Variants in RAI2 observed in about 807,000 individuals in gnomAD.
The protein encoded by RAI2 is retinoic acid induced 2.
RAI2 carries 5 observed loss-of-function variants against 15.3 expected under a neutral mutation model. That is an observed-to-expected ratio of 0.33 (90% CI 0.17 to 0.69). RAI2 has a LOEUF of 0.69. Among genes scored for constraint, RAI2 ranks in the 30% least tolerant of loss-of-function variants. RAI2 has a pLI of 0.69. For synonymous variants in RAI2, 191 were observed against 184.0 expected (o/e 1.04, Z -0.31); for missense variants, 424 against 424.7 (o/e 1.00, Z 0.01).
At chrX:17,852,765 T>C (rs2067551528) in intron 1 of RAI2, among the ~76,000 whole-genome samples, 1 of 112,032 alleles carries the variant, frequency 8.9e-6, no homozygotes, top group African/African-American at 3.2e-5. Context: ...TGAAGGAGAA[T>C]TGCTTCAAGG....
chrX:17,841,901 C>T (rs1218851143), intron 1 of RAI2, among the ~76,000 whole-genome samples: 1 of 112,616 alleles, frequency 8.9e-6, no homozygotes, highest in East Asian at 2.8e-4. Flanking sequence ...CAGAAATCTT[C>T]CTATGGCTCA....
At chrX:17,860,916 C>CCCGGCCCTCCCAG (rs1271243511) in intron 1 of RAI2, among the ~76,000 whole-genome samples, 182 bp downstream of exon 1, 4 of 105,106 alleles carry the variant, frequency 3.8e-5, no homozygotes, top group Non-Finnish European at 6.0e-5. Context: ...CCCGCCCCCG[C>CCCGGCCCTCCCAG]CCGGCCCTCC....
At chrX:17,842,721 G>A (rs2067413735) in intron 1 of RAI2, among the ~76,000 whole-genome samples, 1 of 109,715 alleles carries the variant, frequency 9.1e-6, no homozygotes, top group African/African-American at 3.3e-5. Flanking sequence ...ATCTCTGGGT[G>A]GTAAGAATGC....
Position 17,800,225 on chromosome X carries a change from C to T in RAI2, c.*193G>A. The T allele has an allele frequency of 2.0e-6, 1 of 496,931 alleles. No homozygotes were observed. Among genetic ancestry groups the T allele is most frequent in the East Asian group, 4.1e-5 (1 of 24,649 alleles). 41.0% of individuals were successfully genotyped at this position (496,931 alleles called of 1,213,427 possible). On this transcript the variant is annotated 3_prime_UTR_variant, in exon 2 of 2. Transcript: ENST00000451717. The stretch of plus-strand genomic sequence containing the variant: ...TTGAAAAATAGGTTGCTCTTATTTA[C>T]TCATTTGTGAAAAGTCAAAAATTAA...
intron 1 of RAI2, among the ~76,000 whole-genome samples, chrX:17,848,491 TA>T (rs369711833): frequency 2.9e-3 from 255 of 89,311 alleles, no homozygotes; most frequent in African/African-American, 3.5e-3. Context: ...CACCTGTATC[TA>T]AAAAAAAAAA....
rs1222720640 is a variant in RAI2 at position 17,800,491 on chromosome X, T to G, written c.1520A>C (p.Lys507Thr). 1 of 1,211,312 alleles carries G rather than the reference T, an allele frequency of 8.3e-7. No homozygotes were observed. Among genetic ancestry groups the G allele is most frequent in the African/African-American group, 1.7e-5 (1 of 57,734 alleles). ...PIKNRSIKLK[K>T]VNSQEIHMLP... ...CATGTGTATTTCCTGGGAGTTCACT[T>G]TCTTTAACTTTATGCTCCGGTTTTT... Residue 507 changes from lysine (K) to threonine (T), a missense_variant, in exon 2 of 2, where the codon AAA becomes ACA. Coordinates refer to ENST00000451717, the MANE Select transcript of RAI2 (RefSeq NM_021785.6).
chrX:17,836,323 C>T (rs1392227338), intron 1 of RAI2, among the ~76,000 whole-genome samples: 2 of 111,932 alleles, frequency 1.8e-5, no homozygotes, highest in African/African-American at 6.5e-5. Context: ...TTTCATACAC[C>T]TAACCTACCA....
chrX:17,802,064 T>C (rs868006944), intron 1 of RAI2, 30 bp from the exon 2 acceptor site: 1 of 1,142,359 alleles, frequency 8.8e-7, no homozygotes. Context: ...ATATGAATCT[T>C]CCTTAAAAGA....
At chrX:17,811,781 T>TGGGCCCC (rs1418692747) in intron 1 of RAI2, among the ~76,000 whole-genome samples, 1 of 111,720 alleles carries the variant, frequency 9.0e-6, no homozygotes, top group African/African-American at 3.3e-5. Flanking sequence ...CCCTGGGCCC[T>TGGGCCCC]GGGCCCCCTA....
At chrX:17,855,520 G>C (rs1412039370) in intron 1 of RAI2, among the ~76,000 whole-genome samples, 1 of 111,889 alleles carries the variant, frequency 8.9e-6, no homozygotes, top group Non-Finnish European at 1.9e-5. Flanking sequence ...ACATGCTCAT[G>C]GCTAGTTTCC....
At chrX:17,844,314 C>T (rs1601932396) in intron 1 of RAI2, among the ~76,000 whole-genome samples, 1 of 112,881 alleles carries the variant, frequency 8.9e-6, no homozygotes, top group Non-Finnish European at 1.9e-5. Context: ...CCTGGCCTTA[C>T]CTTCCAGAAG....
At chrX:17,839,663 C>T (rs1447766557) in intron 1 of RAI2, among the ~76,000 whole-genome samples, 1 of 112,558 alleles carries the variant, frequency 8.9e-6, no homozygotes, top group Non-Finnish European at 1.9e-5. Flanking sequence ...GCGTATGCAC[C>T]ATTTAACTCT....
intron 1 of RAI2, among the ~76,000 whole-genome samples, chrX:17,842,495 C>T (rs2067409769): frequency 9.0e-6 from 1 of 110,957 alleles, no homozygotes; most frequent in African/African-American, 3.3e-5. Context: ...TTCTTTGTCA[C>T]CCATGAGAAG....
intron 1 of RAI2, among the ~76,000 whole-genome samples, chrX:17,812,379 C>T (rs1373682564): frequency 8.9e-6 from 1 of 112,180 alleles, no homozygotes; most frequent in Non-Finnish European, 1.9e-5. Context: ...GGCCAGCCCA[C>T]AAAAACCCAC....
chrX:17,803,000 C>T (rs1400952595), intron 1 of RAI2, among the ~76,000 whole-genome samples: 1 of 111,577 alleles, frequency 9.0e-6, no homozygotes, highest in Non-Finnish European at 1.9e-5. Context: ...AAGGCAGGCA[C>T]CATGTCTAAC....
intron 1 of RAI2, among the ~76,000 whole-genome samples, chrX:17,827,440 C>T (rs1280119870): frequency 1.8e-5 from 2 of 112,404 alleles, no homozygotes; most frequent in East Asian, 5.6e-4. Context: ...CACTTTTATA[C>T]ACAGTGCTTA....
rs1441384348 is a variant in RAI2 at position 17,801,168 on chromosome X, G to T, written c.843C>A (p.Thr281=). The change falls in exon 2 of 2, where the codon ACC becomes ACA. Residue 281 remains threonine (T), a synonymous_variant. Transcript: ENST00000451717. ...GCTTCAGTTCATCTTTTTCCAGAGG[G>T]GTCTGGGTGCCTTTAAAGGGGTGCA... ...FGLHPFKGTQ[T]PLEKDELKPF... 3 of 1,211,167 alleles carry T rather than the reference G, an allele frequency of 2.5e-6. No individual in the cohort carries two copies. Among genetic ancestry groups the T allele is most frequent in the East Asian group, 5.9e-5 (2 of 33,833 alleles).
At chrX:17,809,176 G>C (rs2067013737) in intron 1 of RAI2, among the ~76,000 whole-genome samples, 2 of 111,445 alleles carry the variant, frequency 1.8e-5, no homozygotes, top group African/African-American at 6.6e-5. Context: ...ACATCCAGAG[G>C]TCTACACAGC....
intron 1 of RAI2, among the ~76,000 whole-genome samples, chrX:17,813,272 G>T (rs2067068958): frequency 9.0e-6 from 1 of 111,299 alleles, no homozygotes; most frequent in Admixed American, 9.6e-5. Flanking sequence ...TCTCTCCTTG[G>T]ATAGTCAGAA....
Sources: gnomAD v4.1 joint callset for allele counts (sites outside exome capture counted in the v4.1 genomes callset) on GRCh38, gnomAD v4.1.1 for gene constraint, MANE v1.5 for transcripts, NCBI Gene and HGNC (gene_info 2026-07-23, HGNC 2026-07-21) for gene names.